Variants in DMD observed in about 807,000 individuals in gnomAD.
The protein encoded by DMD is dystrophin.
DMD carries 63 observed loss-of-function variants against 330.1 expected under a neutral mutation model. The observed-to-expected ratio is 0.19, with a 90% CI of 0.16 to 0.24. DMD has a LOEUF of 0.24. DMD is among the 10% of genes least tolerant of loss of function. The probability of loss-of-function intolerance (pLI) is 1.00; values close to 1 mark genes in which losing one functional copy is unlikely to be tolerated. For missense variants in DMD, 3,344 were observed against 2,684.1 expected, an observed-to-expected ratio of 1.25 and a Z score of -5.43; for synonymous variants, 1,223 against 959.8, an observed-to-expected ratio of 1.27 and a Z score of -5.07.
intron 2 of DMD, among the ~76,000 whole-genome samples, chrX:32,930,636 A>G (rs966065651): frequency 1.1e-4 from 12 of 110,391 alleles, no homozygotes; most frequent in African/African-American, 3.6e-4. Context: ...TCCTTCCCAG[A>G]TACTATGAAA....
intron 44 of DMD, among the ~76,000 whole-genome samples, chrX:32,062,154 A>T (rs2096230438): frequency 9.0e-6 from 1 of 110,906 alleles, no homozygotes; most frequent in Admixed American, 9.7e-5. Flanking sequence ...TGCTTTGTTG[A>T]TATTTATAAG....
intron 66 of DMD, among the ~76,000 whole-genome samples, chrX:31,204,753 G>C (rs1394437360): frequency 8.9e-6 from 1 of 112,065 alleles, no homozygotes; most frequent in Non-Finnish European, 1.9e-5. Flanking sequence ...CGCCTGAGTA[G>C]CTGCGATTAC....
chrX:33,147,930 TAATTA>T (rs761130949), intron 1 of DMD, among the ~76,000 whole-genome samples: 18 of 112,108 alleles, frequency 1.6e-4, no homozygotes, highest in East Asian at 5.6e-4. Context: ...TTAACTCCTA[TAATTA>T]AATTGCAAAA....
chrX:32,376,702 T>C (rs2097904325), intron 34 of DMD, among the ~76,000 whole-genome samples: 1 of 109,594 alleles, frequency 9.1e-6, no homozygotes, highest in Non-Finnish European at 1.9e-5. Context: ...GAAATGAGTA[T>C]AGAGAATCCA....
chrX:32,985,892 G>A (rs1010540457), intron 2 of DMD, among the ~76,000 whole-genome samples: 4 of 111,832 alleles, frequency 3.6e-5, no homozygotes, highest in African/African-American at 1.3e-4. Flanking sequence ...AAGGCATCGT[G>A]TATTTGCTTT....
intron 16 of DMD, among the ~76,000 whole-genome samples, chrX:32,561,423 T>C (rs1169181350): frequency 1.8e-5 from 2 of 111,453 alleles, no homozygotes; most frequent in African/African-American, 6.5e-5. Context: ...GAAGACTATC[T>C]TGCTGAAATA....
intron 55 of DMD, among the ~76,000 whole-genome samples, chrX:31,559,908 C>T (rs2075100483): frequency 8.9e-6 from 1 of 111,836 alleles, no homozygotes; most frequent in African/African-American, 3.2e-5. Context: ...TCACACCTAG[C>T]TTTTTCAGCT....
At chrX:31,345,554 A>G (rs1017326486) in intron 61 of DMD, among the ~76,000 whole-genome samples, 1 of 111,765 alleles carries the variant, frequency 8.9e-6, no homozygotes, top group Non-Finnish European at 1.9e-5. Context: ...CTGGTGTCTG[A>G]GGAGTAATTA....
chrX:31,468,650 G>T (rs2067044058), intron 59 of DMD, among the ~76,000 whole-genome samples: 1 of 111,725 alleles, frequency 9.0e-6, no homozygotes, highest in South Asian at 3.7e-4. Flanking sequence ...TTGATTTGGG[G>T]TGGGGAGTTC....
chrX:32,754,268 G>A (rs73209886), intron 7 of DMD, among the ~76,000 whole-genome samples: 3,949 of 110,763 alleles, frequency 0.036, 121 homozygotes, highest in African/African-American at 0.092. Context: ...TTTTACAGAT[G>A]AGGAAACTGA....
intron 1 of DMD, among the ~76,000 whole-genome samples, chrX:33,148,778 T>C (rs988614598): frequency 1.6e-4 from 18 of 112,204 alleles, no homozygotes; most frequent in African/African-American, 4.9e-4. Flanking sequence ...CTTTGTTAGA[T>C]TTACTATGGA....
intron 12 of DMD, among the ~76,000 whole-genome samples, chrX:32,610,054 T>A (rs1445770027): frequency 9.0e-6 from 1 of 111,474 alleles, no homozygotes; most frequent in Non-Finnish European, 1.9e-5. Context: ...TCCTCCTCAA[T>A]AGCATCATGC....
intron 11 of DMD, among the ~76,000 whole-genome samples, chrX:32,637,514 T>C (rs1381578254): frequency 8.9e-6 from 1 of 111,953 alleles, no homozygotes; most frequent in Non-Finnish European, 1.9e-5. Flanking sequence ...GGTATCTTTA[T>C]AGCAGCACCC....
At chrX:33,136,434 C>T (rs1431135857) in intron 1 of DMD, among the ~76,000 whole-genome samples, 1 of 104,853 alleles carries the variant, frequency 9.5e-6, no homozygotes, top group Non-Finnish European at 1.9e-5. Flanking sequence ...GAGTAGCAAG[C>T]TGCCTGTAAA....
chrX:31,152,482 G>A (rs1427213222), intron 74 of DMD, among the ~76,000 whole-genome samples: 1 of 110,899 alleles, frequency 9.0e-6, no homozygotes, highest in African/African-American at 3.3e-5. Flanking sequence ...TTAAATGTAA[G>A]TAAAAATCTT....
chrX:32,025,568 G>T (rs1042380650), intron 44 of DMD, among the ~76,000 whole-genome samples: 10 of 112,057 alleles, frequency 8.9e-5, no homozygotes, highest in African/African-American at 3.2e-4. Flanking sequence ...ACAATATTAG[G>T]TGTGCAGAAT....
At chrX:31,515,796 T>C (rs780144663) in intron 55 of DMD, among the ~76,000 whole-genome samples, 58 of 112,128 alleles carry the variant, frequency 5.2e-4, no homozygotes, top group African/African-American at 1.8e-3. Context: ...AAATAGTTAA[T>C]GCTCAGGATG....
chrX:32,653,994 T>C (rs781239306), intron 9 of DMD, among the ~76,000 whole-genome samples: 45 of 112,322 alleles, frequency 4.0e-4, no homozygotes, highest in African/African-American at 1.3e-3. Context: ...TTTTTGCACA[T>C]TGATTTGTAT....
At chrX:31,641,940 G>A (rs759058931) in intron 54 of DMD, among the ~76,000 whole-genome samples, 13 of 110,842 alleles carry the variant, frequency 1.2e-4, no homozygotes, top group Non-Finnish European at 1.5e-4. Context: ...ATTACTTCTC[G>A]GTAAATTAAT....
Sources: allele counts gnomAD v4.1 joint callset (sites outside exome capture counted in the v4.1 genomes callset), GRCh38; gene constraint gnomAD v4.1.1; transcripts MANE v1.5; gene names NCBI Gene and HGNC (gene_info 2026-07-23, HGNC 2026-07-21).